The following SPRED1 variants were observed in gnomAD, a reference collection of about 807,000 sequenced individuals.
SPRED1 encodes the protein sprouty related EVH1 domain containing 1.
SPRED1 carries 18 observed loss-of-function variants against 52.3 expected under a neutral mutation model. The ratio of observed to expected loss-of-function variants is 0.34; its 90% CI spans 0.24 to 0.51. The LOEUF is 0.51. Ranked by LOEUF, SPRED1 falls within the 20% of genes least tolerant of loss-of-function variation. The pLI is 0.97. For synonymous variants in SPRED1, 155 were observed against 179.7 expected, an observed-to-expected ratio of 0.86 and a Z score of 1.10; for missense variants, 485 against 551.0, an observed-to-expected ratio of 0.88 and a Z score of 1.20.
In SPRED1 at chr15:38,351,815, T is replaced by G; in HGVS notation, c.*151T>G. ...AGCAGAACTCATCAGTTCTTGGCGT[T>G]TCACGCCATGCCTAACTTTTCCCTT... On this transcript the variant is annotated 3_prime_UTR_variant, in exon 7 of 7. Coordinates refer to ENST00000299084, the MANE Select transcript of SPRED1 (RefSeq NM_152594.3). 3.1e-6 allele frequency: 3 copies of G among 962,694 alleles called. No individual in the cohort carries two copies. The highest frequency in any genetic ancestry group is 4.6e-6 in the Non-Finnish European group (3 of 645,170). The allele number at this position is 962,694 out of a possible 1,614,324, so 59.6% of individuals were successfully genotyped here.
intron 1 of SPRED1, among the ~76,000 whole-genome samples, chr15:38,267,729 G>A (rs1894340193): frequency 6.6e-6 from 1 of 152,132 alleles, no homozygotes; most frequent in Non-Finnish European, 1.5e-5. Flanking sequence ...AGGAAACTGA[G>A]GTGCAGGAAA....
At position 38,356,308 on chromosome 15, in the gene SPRED1, A is replaced by G. The variant is rs1358181740; in HGVS notation, c.*4644A>G. 1 of 152,158 alleles carries G rather than the reference A, an allele frequency of 6.6e-6. No individual in the cohort carries two copies. Among genetic ancestry groups the G allele is most frequent in the Admixed American group, 6.5e-5 (1 of 15,280 alleles). 9.4% of individuals were successfully genotyped at this position (152,158 alleles called of 1,614,324 possible). On this transcript the variant is annotated 3_prime_UTR_variant, in exon 7 of 7. Transcript: ENST00000299084. ...TAACTAGCTTGATAGTTTTGAGTAT[A>G]TAATGTAAATAATACATTATAAGTT...
At chr15:38,271,446 T>C (rs1894432225) in intron 1 of SPRED1, among the ~76,000 whole-genome samples, 1 of 152,000 alleles carries the variant, frequency 6.6e-6, no homozygotes, top group African/African-American at 2.4e-5. Context: ...GGTTTGACAG[T>C]CATTAATGTT....
intron 5 of SPRED1, among the ~76,000 whole-genome samples, chr15:38,340,897 A>G (rs1896014742): frequency 6.6e-6 from 1 of 151,582 alleles, no homozygotes; most frequent in African/African-American, 2.4e-5. Context: ...TAAGTTGGAC[A>G]GTATTTCTTT....
chr15:38,304,926 C>CA (rs1333690374), intron 2 of SPRED1, among the ~76,000 whole-genome samples: 1 of 152,148 alleles, frequency 6.6e-6, no homozygotes, highest in African/African-American at 2.4e-5. Flanking sequence ...GTCAATCTCT[C>CA]AAACAACCCT....
intron 1 of SPRED1, among the ~76,000 whole-genome samples, chr15:38,286,308 TTTTATTGTGA>T (rs1894809006): frequency 6.6e-6 from 1 of 151,892 alleles, no homozygotes; most frequent in South Asian, 2.1e-4. Context: ...TTTATATTAT[TTTTATTGTGA>T]ATTGGCTCTT....
In SPRED1 at chr15:38,351,457, G is replaced by T. The variant is rs746827242; in HGVS notation, c.1128G>T (p.Leu376Phe). 1 of 1,614,144 alleles carries T rather than the reference G, an allele frequency of 6.2e-7. No individual in the cohort carries two copies. ...GCATGCTCTGTGCAGAGAGCATGTT[G>T]TATCATTGTATGTCAGACTCAGAGG... The part of the protein sequence containing the change: ...VSCMLCAESM[L>F]YHCMSDSEGD... Residue 376 changes from leucine to phenylalanine, a missense_variant, in exon 7 of 7, where the codon TTG (leucine) becomes TTT (phenylalanine). By Grantham distance (22) the Leu-to-Phe change is conservative. Around this residue, in one of 5 missense-constraint regions of SPRED1, gnomAD observed 205 missense variants for 245.2 expected, o/e 0.84. Transcript: ENST00000299084.
chr15:38,278,832 T>TTTTTTTTG (rs1894621563), intron 1 of SPRED1, among the ~76,000 whole-genome samples: 1 of 148,076 alleles, frequency 6.8e-6, no homozygotes, highest in Non-Finnish European at 1.5e-5. Context: ...TACACTGTTT[T>TTTTTTTTG]TTTTTTTTTT....
chr15:38,309,774 G>A (rs1219419062), intron 2 of SPRED1, among the ~76,000 whole-genome samples: 1 of 152,122 alleles, frequency 6.6e-6, no homozygotes, highest in Non-Finnish European at 1.5e-5. Context: ...TAACTTTTGT[G>A]TAAATTGTGA....
chr15:38,299,670 T>C (rs1895114599), intron 2 of SPRED1, 123 bp downstream of exon 2: 1 of 1,051,060 alleles, frequency 9.5e-7, no homozygotes, highest in Non-Finnish European at 1.4e-6. Context: ...CTGGAGCTGT[T>C]TCTGTGTTAA....
chr15:38,268,323 G>C (rs958247266), intron 1 of SPRED1: 5 of 152,138 alleles, frequency 3.3e-5, no homozygotes. Context: ...CCAACACGGA[G>C]GTACATCCTT....
At chr15:38,306,270 C>T (rs998977004) in intron 2 of SPRED1, among the ~76,000 whole-genome samples, 3 of 152,090 alleles carry the variant, frequency 2.0e-5, no homozygotes, top group African/African-American at 7.2e-5. Flanking sequence ...ATGCCCTTCC[C>T]CTTTTACATT....
chr15:38,283,870 T>C (rs1894748067), intron 1 of SPRED1, among the ~76,000 whole-genome samples: 1 of 152,202 alleles, frequency 6.6e-6, no homozygotes, highest in Non-Finnish European at 1.5e-5. Context: ...TAGAGCTGCC[T>C]TACTATAGTG....
chr15:38,308,068 G>C (rs563218829), intron 2 of SPRED1, among the ~76,000 whole-genome samples: 5 of 152,230 alleles, frequency 3.3e-5, no homozygotes, highest in African/African-American at 9.6e-5. Flanking sequence ...GATGTCAGCT[G>C]TTGTCTTGAG....
At chr15:38,311,400 G>T (rs754814329) in intron 2 of SPRED1, among the ~76,000 whole-genome samples, 2 of 152,022 alleles carry the variant, frequency 1.3e-5, no homozygotes, top group South Asian at 2.1e-4. Context: ...TCTTGGTACT[G>T]TTTTTGTTTA....
At chr15:38,287,345 C>T (rs1257919326) in intron 1 of SPRED1, among the ~76,000 whole-genome samples, 2 of 152,056 alleles carry the variant, frequency 1.3e-5, no homozygotes, top group African/African-American at 2.4e-5. Flanking sequence ...ACTCCCTTTC[C>T]CCCACTATCT....
At position 38,253,084 on chromosome 15, in the gene SPRED1, GC is replaced by G. The variant is rs1343633226; in HGVS notation, c.-101del. 1.0e-6 allele frequency: 1 copy of G among 989,960 alleles called. No homozygotes were observed. The highest frequency in any genetic ancestry group is 1.6e-6 in the Non-Finnish European group (1 of 642,490). The allele number at this position is 989,960 out of a possible 1,614,324, so 61.3% of individuals were successfully genotyped here. On this transcript the variant is annotated 5_prime_UTR_variant, in exon 1 of 7. It removes the in-frame stop codon of an upstream open reading frame in the 5' UTR. Coordinates refer to ENST00000299084, the MANE Select transcript of SPRED1 (RefSeq NM_152594.3). ...GTGAGGCCCCTGTGCCGCTGCCCCC[GC>G]GCCCCCCCGGCCGCCGCTGCCTCCT...
chr15:38,311,411 A>G (rs1298584976), intron 2 of SPRED1, among the ~76,000 whole-genome samples: 3 of 152,062 alleles, frequency 2.0e-5, no homozygotes, highest in African/African-American at 4.8e-5. Flanking sequence ...TTTTTGTTTA[A>G]TATTGGTGTC....
intron 1 of SPRED1, among the ~76,000 whole-genome samples, chr15:38,289,142 G>A (rs1220369210): frequency 6.6e-6 from 1 of 151,604 alleles, no homozygotes; most frequent in Non-Finnish European, 1.5e-5. Flanking sequence ...CTGATTATTA[G>A]TGTGGTCATT....
Sources: gnomAD v4.1 joint callset for allele counts (sites outside exome capture counted in the v4.1 genomes callset) on GRCh38, gnomAD v4.1.1 for gene constraint, gnomAD v4.1.1 regional missense constraint, MANE v1.5 for transcripts, NCBI Gene and HGNC (gene_info 2026-07-23, HGNC 2026-07-21) for gene names.